The following OGFOD1 variants were observed in gnomAD, a reference collection of about 807,000 sequenced individuals.
OGFOD1 encodes the protein prolyl 3-hydroxylase OGFOD1.
A neutral mutation model predicts 67.7 loss-of-function variants in OGFOD1; 54 were observed. The observed-to-expected ratio is 0.80, with a 90% CI of 0.64 to 1.00. OGFOD1 has a LOEUF of 1.00. OGFOD1 is among the 50% of genes least tolerant of loss of function. The probability of loss-of-function intolerance (pLI) is 0.00; values close to 1 mark genes in which losing one functional copy is unlikely to be tolerated. For missense variants in OGFOD1, 606 were observed against 646.7 expected (o/e 0.94, Z 0.68); for synonymous variants, 221 against 227.0 (o/e 0.97, Z 0.24).
At position 56,475,542 on chromosome 16, in the gene OGFOD1, A is replaced by C. The variant is rs1174686415; in HGVS notation, c.1444A>C (p.Ile482Leu). The C allele has an allele frequency of 8.7e-6, 14 of 1,614,028 alleles. No individual in the cohort carries two copies. Among genetic ancestry groups the C allele is most frequent in the Non-Finnish European group, 1.1e-5 (13 of 1,179,938 alleles). The stretch of plus-strand genomic sequence containing the variant: ...AGAATATGGCGGTTTTACTTCTTAC[A>C]TTGCCAAAGGTGAAGATGAAGAGGT... ...EPEYGGFTSYIAKGEDEELLT... is the reference protein window; with the variant it reads ...EPEYGGFTSYLAKGEDEELLT... Residue 482 changes from isoleucine to leucine, a missense_variant, in exon 12 of 13, where the codon ATT becomes CTT. Ile to Leu is a conservative substitution (Grantham distance 5, BLOSUM62 2). Coordinates refer to ENST00000566157, the MANE Select transcript of OGFOD1 (RefSeq NM_018233.4).
rs1420214696 is a variant in OGFOD1 at position 56,476,388 on chromosome 16, G to T, written c.*183G>T. 2 of 386,466 alleles carry T rather than the reference G, an allele frequency of 5.2e-6. No homozygotes were observed. The highest frequency in any genetic ancestry group is 4.5e-6 in the Non-Finnish European group (1 of 224,126). 23.9% of individuals were successfully genotyped at this position (386,466 alleles called of 1,614,324 possible). A position where few individuals can be genotyped will look rare whatever the true frequency, so the allele number is the denominator to read the frequency against. ...ACCGAGACCTTGAGCTTGCAGCTAAGTACTTATCTCTTGATTAAAAAAAAA... is the reference window on the plus strand; with the variant it reads ...ACCGAGACCTTGAGCTTGCAGCTAATTACTTATCTCTTGATTAAAAAAAAA... On this transcript the variant is annotated 3_prime_UTR_variant, in exon 13 of 13. Coordinates refer to ENST00000566157, the MANE Select transcript of OGFOD1 (RefSeq NM_018233.4).
chr16:56,462,432 A>G, intron 3 of OGFOD1, 102 bp from the exon 4 acceptor site: 3 of 694,404 alleles, frequency 4.3e-6, no homozygotes, highest in Non-Finnish European at 7.9e-6. Flanking sequence ...TCTTGAATAC[A>G]ATGTGATCTC....
intron 10 of OGFOD1, among the ~76,000 whole-genome samples, chr16:56,471,197 C>CAAA (rs61143039): frequency 1.5e-5 from 2 of 132,934 alleles, no homozygotes; most frequent in Admixed American, 7.7e-5. Flanking sequence ...ACTAAAAATA[C>CAAA]AAAAAAAAAA....
chr16:56,475,655 T>C (rs1170196421), intron 12 of OGFOD1, 90 bp downstream of exon 12: 1 of 995,726 alleles, frequency 1.0e-6, no homozygotes, highest in East Asian at 2.4e-5. Flanking sequence ...CTTCTACCAG[T>C]GTCTTTAGCT....
At chr16:56,457,287 TTAGGC>T (rs1402739758) in intron 2 of OGFOD1, among the ~76,000 whole-genome samples, 4 of 152,154 alleles carry the variant, frequency 2.6e-5, no homozygotes, top group Non-Finnish European at 5.9e-5. Context: ...CTTGAAAACA[TTAGGC>T]TAAGTGAAAG....
At chr16:56,457,885 G>A (rs1444599364) in intron 2 of OGFOD1, among the ~76,000 whole-genome samples, 2 of 152,094 alleles carry the variant, frequency 1.3e-5, no homozygotes, top group African/African-American at 4.8e-5. Flanking sequence ...TCACCACGTT[G>A]GTCAGGCTGG....
rs149873850 is a variant in OGFOD1, at chr16:56,466,213, G to A, written c.510G>A (p.Leu170=). The part of the protein sequence containing the change: ...EGRRIAFILY[L]VPPWDRSMGG... Reference sequence around the variant, plus strand: ...GCCGGATTGCCTTCATCCTGTACCTGGTTCCTCCCTGGGACAGGAGCATGG... The same window carrying A: ...GCCGGATTGCCTTCATCCTGTACCTAGTTCCTCCCTGGGACAGGAGCATGG... Residue 170 remains leucine, a synonymous_variant, in exon 5 of 13, where the codon CTG becomes CTA. Coordinates refer to ENST00000566157, the MANE Select transcript of OGFOD1 (RefSeq NM_018233.4). 3.5e-4 allele frequency: 563 copies of A among 1,613,974 alleles called. No homozygotes were observed. Among genetic ancestry groups the A allele is most frequent in the Admixed American group, 4.0e-4 (24 of 59,988 alleles).
chr16:56,468,384 T>C (rs926803718), intron 8 of OGFOD1, among the ~76,000 whole-genome samples: 1 of 152,156 alleles, frequency 6.6e-6, no homozygotes, highest in Non-Finnish European at 1.5e-5. Flanking sequence ...TTGTTGAACA[T>C]TTGACAGTGA....
Position 56,451,590 on chromosome 16 carries a change from G to T in OGFOD1, c.-23G>T, listed in dbSNP as rs772434593. 2.0e-5 allele frequency: 33 copies of T among 1,612,576 alleles called. No individual in the cohort carries two copies. The highest frequency in any genetic ancestry group is 2.8e-5 in the Non-Finnish European group (33 of 1,179,824). On this transcript the variant is annotated 5_prime_UTR_variant, in exon 1 of 13. Coordinates refer to ENST00000566157, the MANE Select transcript of OGFOD1 (RefSeq NM_018233.4). ...AAGGTAGCGTCTTGATCTGCGTGGC[G>T]TGGTTCTGTGCCTTGGGAAGAGATG...
Position 56,451,638 on chromosome 16 carries a change from C to G in OGFOD1, c.26C>G (p.Pro9Arg), listed in dbSNP as rs778510251. 46 of 1,613,796 alleles carry G rather than the reference C, an allele frequency of 2.9e-5. No individual in the cohort carries two copies. The East Asian group carries it at 9.8e-4, about 34-fold the overall frequency. Residue 9 changes from proline (P) to arginine (R), a missense_variant, in exon 1 of 13, where the codon CCC becomes CGC. Transcript: ENST00000566157. ...ATGAATGGGAAGCGGCCAGCGGAGC[C>G]CGGCCCAGCCCGGGTGGGAAAAAAG... MNGKRPAE[P>R]GPARVGKKGK...
chr16:56,458,624 T>C, intron 3 of OGFOD1, 30 bp downstream of exon 3: 3 of 1,564,550 alleles, frequency 1.9e-6, no homozygotes, highest in Non-Finnish European at 2.6e-6. Flanking sequence ...TGTTGGGTGC[T>C]AATATGTGCC....
At chr16:56,471,428 T>C (rs1394660761) in intron 10 of OGFOD1, among the ~76,000 whole-genome samples, 1 of 151,726 alleles carries the variant, frequency 6.6e-6, no homozygotes, top group Non-Finnish European at 1.5e-5. Flanking sequence ...TAGAAAAGTC[T>C]CTCTGAGGAG....
intron 2 of OGFOD1, 29 bp downstream of exon 2, chr16:56,453,437 T>C: frequency 6.3e-7 from 1 of 1,597,654 alleles, no homozygotes; most frequent in Non-Finnish European, 8.5e-7. Flanking sequence ...CATTAACTCT[T>C]CCAGCTTGGA....
At chr16:56,468,134 G>C (rs2144019774) in intron 8 of OGFOD1, 116 bp downstream of exon 8, 1 of 623,032 alleles carries the variant, frequency 1.6e-6, no homozygotes, top group African/African-American at 1.8e-5. Flanking sequence ...GAATGTTTTT[G>C]TCATTCCCTT....
intron 1 of OGFOD1, 43 bp downstream of exon 1, chr16:56,451,809 A>C (rs753498970): frequency 1.3e-6 from 2 of 1,596,806 alleles, no homozygotes; most frequent in Non-Finnish European, 1.7e-6. Context: ...GCAGAGGTCT[A>C]GGGATCTCTG....
intron 4 of OGFOD1, among the ~76,000 whole-genome samples, chr16:56,464,042 T>C (rs1962815653): frequency 6.6e-6 from 1 of 152,232 alleles, no homozygotes; most frequent in African/African-American, 2.4e-5. Context: ...AGTTATAATA[T>C]TGTCTCTTCA....
At chr16:56,474,198 A>G (rs1232373086) in intron 10 of OGFOD1, among the ~76,000 whole-genome samples, 1 of 152,100 alleles carries the variant, frequency 6.6e-6, no homozygotes, top group African/African-American at 2.4e-5. Context: ...AGGTAATAAC[A>G]TGCTGAGAAA....
Position 56,451,645 on chromosome 16 carries a change from A to T in OGFOD1, c.33A>T (p.Pro11=). 6.2e-7 allele frequency: 1 copy of T among 1,614,008 alleles called. No individual in the cohort carries two copies. Among genetic ancestry groups the T allele is most frequent in the Non-Finnish European group, 8.5e-7 (1 of 1,180,008 alleles). MNGKRPAEPG[P]ARVGKKGKKE... is the part of the protein sequence containing the mutation. ...GGAAGCGGCCAGCGGAGCCCGGCCCAGCCCGGGTGGGAAAAAAGGGAAAGA... is the reference window on the plus strand; with the variant it reads ...GGAAGCGGCCAGCGGAGCCCGGCCCTGCCCGGGTGGGAAAAAAGGGAAAGA... Residue 11 remains proline (P), a synonymous_variant, in exon 1 of 13, where the codon CCA becomes CCT. Transcript: ENST00000566157.
At chr16:56,466,326 G>T in intron 5 of OGFOD1, 58 bp downstream of exon 5, 1 of 1,072,070 alleles carries the variant, frequency 9.3e-7, no homozygotes, top group South Asian at 1.3e-5. Flanking sequence ...AGTTAAAGCT[G>T]AGTTGATTCA....
Sources: allele counts gnomAD v4.1 joint callset (sites outside exome capture counted in the v4.1 genomes callset), GRCh38; gene constraint gnomAD v4.1.1; transcripts MANE v1.5; gene names NCBI Gene and HGNC (gene_info 2026-07-23, HGNC 2026-07-21).